The following SLC17A8 variants were observed in gnomAD, a reference collection of about 807,000 sequenced individuals.
SLC17A8 encodes solute carrier family 17 member 8.
A neutral mutation model predicts 58.0 loss-of-function variants in SLC17A8; 31 were observed. The ratio of observed to expected loss-of-function variants is 0.53; its 90% CI spans 0.40 to 0.72. The LOEUF (loss-of-function observed/expected upper bound fraction) is 0.72. Ranked by LOEUF, SLC17A8 falls within the 30% of genes least tolerant of loss-of-function variation. SLC17A8 has a pLI of 0.00. For synonymous variants in SLC17A8, 228 were observed against 249.0 expected, an observed-to-expected ratio of 0.92 and a Z score of 0.79; for missense variants, 655 against 727.8, an observed-to-expected ratio of 0.90 and a Z score of 1.15.
rs562728361 is a variant in SLC17A8, at chr12:100,411,522, A to G, written c.1187-1248A>G. ...AATAAATAAATAAAAATAGGGGATG[A>G]GAGAATTGATTTGGGCATGTTGCCT... On this transcript the variant is annotated intron_variant, in intron 9 of 11. Transcript: ENST00000323346. Among the ~76,000 whole-genome samples, 87 of 152,144 alleles carry G rather than the reference A, an allele frequency of 5.7e-4. 1 individual carries two copies. The South Asian group carries it at 0.018, about 31-fold the overall frequency.
At chr12:100,370,191 C>T (rs2135974953) in intron 1 of SLC17A8, among the ~76,000 whole-genome samples, 1 of 151,792 alleles carries the variant, frequency 6.6e-6, no homozygotes. Context: ...TGGCCTCAAG[C>T]AATCCTCTCA....
At chr12:100,407,585 TA>T (rs200078867) in intron 9 of SLC17A8, among the ~76,000 whole-genome samples, 47 of 147,496 alleles carry the variant, frequency 3.2e-4, no homozygotes, top group Admixed American at 2.5e-3. Flanking sequence ...TATATATATA[TA>T]TTTTTTTTGT....
At chr12:100,360,090 G>A (rs1952475014) in intron 1 of SLC17A8, among the ~76,000 whole-genome samples, 1 of 152,168 alleles carries the variant, frequency 6.6e-6, no homozygotes, top group Admixed American at 6.5e-5. Context: ...ACACAGGCTT[G>A]ATTACAGTCA....
chr12:100,373,635 A>T (rs757485183), intron 1 of SLC17A8, among the ~76,000 whole-genome samples: 1 of 128,378 alleles, frequency 7.8e-6, no homozygotes, highest in Non-Finnish European at 1.5e-5. Flanking sequence ...CCCAGGCTGG[A>T]GTGCAATGGC....
intron 4 of SLC17A8, among the ~76,000 whole-genome samples, chr12:100,395,326 A>ATTT (rs11304705): frequency 7.2e-5 from 10 of 138,114 alleles, no homozygotes; most frequent in African/African-American, 1.6e-4. Context: ...AAACAAAAGA[A>ATTT]TTTTTTTTTT....
intron 7 of SLC17A8, 35 bp from the exon 8 acceptor site, chr12:100,402,561 T>C: frequency 3.1e-6 from 5 of 1,613,042 alleles, no homozygotes; most frequent in Non-Finnish European, 4.2e-6. Context: ...TGTCAATATC[T>C]TTACTAAAAA....
At position 100,393,396 on chromosome 12, in the gene SLC17A8, A is replaced by G. The variant is rs766116026; in HGVS notation, c.501A>G (p.Thr167=). Residue 167 remains threonine (T), a synonymous_variant, in exon 4 of 12, where the codon ACA becomes ACG. Transcript: ENST00000323346. ...TCTTTGGAGCTGCCATCTTCTTAAC[A>G]TCGACTCTGAACATGTTTATTCCCT... ...NRVFGAAIFL[T]STLNMFIPSA... 76 of 1,612,568 alleles carry G rather than the reference A, an allele frequency of 4.7e-5. No homozygotes were observed. The highest frequency in any genetic ancestry group is 6.2e-5 in the Non-Finnish European group (73 of 1,178,984).
chr12:100,405,524 T>C (rs1371508886), intron 9 of SLC17A8, among the ~76,000 whole-genome samples: 1 of 151,990 alleles, frequency 6.6e-6, no homozygotes, highest in Non-Finnish European at 1.5e-5. Context: ...GAAGATGTGA[T>C]GGTGGAGGCA....
At position 100,367,371 on chromosome 12, in the gene SLC17A8, A is replaced by G. The variant is rs150692970; in HGVS notation, c.101+9879A>G. Among the ~76,000 whole-genome samples, 104 of 152,330 alleles carry G rather than the reference A, an allele frequency of 6.8e-4. No individual in the cohort carries two copies. In the East Asian group the frequency reaches 8.3e-3, roughly 12 times the overall value. ...ATTTAATTATCAGTAATTCATCGCT[A>G]TGACTGGTTCAAATTCAGCAATTTT... On this transcript the variant is annotated intron_variant, in intron 1 of 11. Coordinates refer to ENST00000323346, the MANE Select transcript of SLC17A8 (RefSeq NM_139319.3).
At chr12:100,405,245 G>A (rs1165663148) in intron 9 of SLC17A8, among the ~76,000 whole-genome samples, 1 of 152,182 alleles carries the variant, frequency 6.6e-6, no homozygotes, top group Non-Finnish European at 1.5e-5. Context: ...GAGGGTTAGC[G>A]GATATAGGCC....
intron 10 of SLC17A8, among the ~76,000 whole-genome samples, chr12:100,414,411 T>C (rs992418077): frequency 6.6e-6 from 1 of 152,226 alleles, no homozygotes; most frequent in Non-Finnish European, 1.5e-5. Flanking sequence ...TAGAGATGCA[T>C]AGACCTGGGT....
Position 100,421,268 on chromosome 12 carries a change from C to A in SLC17A8, c.*1109C>A, listed in dbSNP as rs1029188864. The A allele has an allele frequency of 6.6e-6, 1 of 152,024 alleles. No individual in the cohort carries two copies. The highest frequency in any genetic ancestry group is 6.6e-5 in the Admixed American group (1 of 15,246). The allele number at this position is 152,024 out of a possible 1,614,324, so 9.4% of individuals were successfully genotyped here. A position where few individuals can be genotyped will look rare whatever the true frequency, so the allele number is the denominator to read the frequency against. ...ATTTTTAAAAAATGTATCTCTTTAG[C>A]CTTTTCTGCTGGAGATTATATTAGG... On this transcript the variant is annotated 3_prime_UTR_variant, in exon 12 of 12. Coordinates refer to ENST00000323346, the MANE Select transcript of SLC17A8 (RefSeq NM_139319.3).
chr12:100,406,510 A>C (rs2136009289), intron 9 of SLC17A8, among the ~76,000 whole-genome samples: 1 of 151,650 alleles, frequency 6.6e-6, no homozygotes, highest in African/African-American at 2.4e-5. Flanking sequence ...GATGCAGATG[A>C]TTTAAAGCAC....
chr12:100,397,333 G>T (rs961123029), intron 5 of SLC17A8, among the ~76,000 whole-genome samples: 1 of 152,058 alleles, frequency 6.6e-6, no homozygotes, highest in Admixed American at 6.6e-5. Context: ...CTTACTTCAC[G>T]CTCCTACCAT....
chr12:100,387,969 G>A (rs61941781), intron 2 of SLC17A8, among the ~76,000 whole-genome samples: 19,525 of 152,048 alleles, frequency 0.13, 1,326 homozygotes, highest in Admixed American at 0.17. Flanking sequence ...CCAGAGTTCC[G>A]GTGATGTCTT....
chr12:100,366,057 T>C (rs1394435777), intron 1 of SLC17A8, among the ~76,000 whole-genome samples: 1 of 148,848 alleles, frequency 6.7e-6, no homozygotes, highest in African/African-American at 2.5e-5. Flanking sequence ...CTTCTTTTTT[T>C]TTTTTTTTTT....
rs1391678907 is a variant in SLC17A8 at position 100,420,104 on chromosome 12, A to G, written c.1715A>G (p.Glu572Gly). 1 of 1,613,926 alleles carries G rather than the reference A, an allele frequency of 6.2e-7. No homozygotes were observed. Among genetic ancestry groups the G allele is most frequent in the East Asian group, 2.2e-5 (1 of 44,888 alleles). The change falls in exon 12 of 12, where the codon GAG becomes GGG. Residue 572 changes from glutamate (E) to glycine (G), a missense_variant. Physicochemically the swap from Glu to Gly is moderately conservative, Grantham distance 98. Coordinates refer to ENST00000323346, the MANE Select transcript of SLC17A8 (RefSeq NM_139319.3). ...WKGQRGATLD[E>G]EELTSYQNEE... ...GGACAGAGAGGAGCGACCCTTGATG[A>G]GGAAGAGCTGACATCCTACCAGAAT... is the stretch of plus-strand genomic sequence containing the variant.
chr12:100,372,926 T>C (rs1284439662), intron 1 of SLC17A8, among the ~76,000 whole-genome samples: 1 of 152,192 alleles, frequency 6.6e-6, no homozygotes, highest in Non-Finnish European at 1.5e-5. Context: ...GTGCTCCAAA[T>C]GTTGATCTTA....
intron 1 of SLC17A8, among the ~76,000 whole-genome samples, chr12:100,379,219 G>A (rs538011913): frequency 1.4e-4 from 21 of 151,962 alleles, no homozygotes; most frequent in East Asian, 9.7e-4. Context: ...GGCGGATCAC[G>A]AGGTCAGGAG....
Sources: allele counts gnomAD v4.1 joint callset (sites outside exome capture counted in the v4.1 genomes callset), GRCh38; gene constraint gnomAD v4.1.1; transcripts MANE v1.5; gene names NCBI Gene and HGNC (gene_info 2026-07-23, HGNC 2026-07-21).